DUSP22: variants seen among roughly 807,000 people sequenced by gnomAD.
The protein encoded by DUSP22 is dual specificity protein phosphatase 22.
Under a neutral mutation model 24.5 loss-of-function variants are expected in DUSP22, and 24 were observed. The ratio of observed to expected loss-of-function variants is 0.98; its 90% CI spans 0.71 to 1.38. The LOEUF is 1.38. DUSP22 is among the 40% of genes most tolerant of loss of function. The pLI is 0.00. For synonymous variants in DUSP22, 160 were observed against 106.4 expected (o/e 1.50, Z -3.10); for missense variants, 330 against 269.2 (o/e 1.23, Z -1.58).
intron 1 of DUSP22, among the ~76,000 whole-genome samples, chr6:301,515 A>G (rs1426357915): frequency 6.6e-6 from 1 of 152,306 alleles, no homozygotes; most frequent in Non-Finnish European, 1.5e-5. Flanking sequence ...GAACATTTTG[A>G]GGTAGAAAAT....
At chr6:347,219 G>T (rs1308530277) in intron 5 of DUSP22, among the ~76,000 whole-genome samples, 1 of 152,306 alleles carries the variant, frequency 6.6e-6, no homozygotes, top group African/African-American at 2.4e-5. Context: ...ATCTCTCCTG[G>T]TAGTTCTAAT....
intron 4 of DUSP22, among the ~76,000 whole-genome samples, chr6:343,024 C>T (rs1170589900): frequency 3.3e-5 from 5 of 150,240 alleles, no homozygotes; most frequent in African/African-American, 1.0e-4. Flanking sequence ...AACAAGGCTC[C>T]CTTCGTGCCC....
chr6:307,885 G>A (rs918148787), intron 2 of DUSP22, among the ~76,000 whole-genome samples: 4 of 152,312 alleles, frequency 2.6e-5, no homozygotes, highest in Non-Finnish European at 5.9e-5. Flanking sequence ...CTGGTCAGAG[G>A]TAGTCTGCTG....
At chr6:329,322 T>G (rs1759031753) in intron 3 of DUSP22, among the ~76,000 whole-genome samples, 1 of 152,290 alleles carries the variant, frequency 6.6e-6, no homozygotes, top group South Asian at 2.1e-4. Context: ...GAATGAGGAG[T>G]TATTACTTAA....
intron 2 of DUSP22, 51 bp from the exon 3 acceptor site, chr6:311,829 T>C (rs1268898097): frequency 1.0e-5 from 16 of 1,554,516 alleles, no homozygotes; most frequent in Non-Finnish European, 1.4e-5. Flanking sequence ...ACTTTAGGAG[T>C]AATTAACTTG....
intron 2 of DUSP22, 49 bp downstream of exon 2, chr6:304,710 A>T (rs768196303): frequency 2.5e-6 from 4 of 1,611,024 alleles, no homozygotes; most frequent in Non-Finnish European, 3.4e-6. Context: ...ATAACATAAA[A>T]TGTGTCATCT....
chr6:309,876 C>T (rs952693441), intron 2 of DUSP22, among the ~76,000 whole-genome samples: 1 of 152,296 alleles, frequency 6.6e-6, no homozygotes, highest in Non-Finnish European at 1.5e-5. Context: ...TACATTATAC[C>T]CTGAGCATTT....
intron 5 of DUSP22, among the ~76,000 whole-genome samples, chr6:346,847 C>A (rs1280652117): frequency 6.6e-6 from 1 of 151,492 alleles, no homozygotes; most frequent in Non-Finnish European, 1.5e-5. Context: ...ACAGAGGGGA[C>A]CCAGGGACCC....
chr6:313,944 C>A (rs1031271469), intron 3 of DUSP22, among the ~76,000 whole-genome samples: 5 of 152,422 alleles, frequency 3.3e-5, no homozygotes, highest in East Asian at 1.9e-4. Context: ...CTGCCTGGGG[C>A]ACAAAGGCAG....
At chr6:324,445 G>A (rs952257912) in intron 3 of DUSP22, among the ~76,000 whole-genome samples, 9 of 152,302 alleles carry the variant, frequency 5.9e-5, no homozygotes, top group African/African-American at 1.9e-4. Context: ...AATGCAGCAC[G>A]TCTCTAATAT....
At chr6:310,934 G>A (rs1758056388) in intron 2 of DUSP22, among the ~76,000 whole-genome samples, 1 of 152,420 alleles carries the variant, frequency 6.6e-6, no homozygotes, top group East Asian at 1.9e-4. Flanking sequence ...TTGCCTAAAA[G>A]GAAGAAGCTG....
At chr6:317,856 A>G (rs980651736) in intron 3 of DUSP22, among the ~76,000 whole-genome samples, 1 of 152,286 alleles carries the variant, frequency 6.6e-6, no homozygotes, top group African/African-American at 2.4e-5. Flanking sequence ...GTGAGAAATC[A>G]TGTCTTATCA....
At chr6:327,754 A>T (rs1460922514) in intron 3 of DUSP22, among the ~76,000 whole-genome samples, 1 of 152,302 alleles carries the variant, frequency 6.6e-6, no homozygotes, top group Non-Finnish European at 1.5e-5. Flanking sequence ...GGTTTTACTG[A>T]GAAGAGCCAC....
chr6:313,327 A>T lies in DUSP22; in HGVS notation c.138+1365A>T, dbSNP rs550522914. 2.2e-4 allele frequency among the ~76,000 whole-genome samples: 33 copies of T among 152,394 alleles called. No individual in the cohort carries two copies. The South Asian group carries it at 6.9e-3, about 32-fold the overall frequency. ...TGTCATGTGTGCACATGACCCTTAA[A>T]TCTGCTCACATTGTAACTTCTGTGT... On this transcript the variant is annotated intron_variant, in intron 3 of 6. Transcript: ENST00000419235.
At chr6:309,961 T>C (rs1352171853) in intron 2 of DUSP22, among the ~76,000 whole-genome samples, 1 of 152,278 alleles carries the variant, frequency 6.6e-6, no homozygotes, top group Admixed American at 6.5e-5. Flanking sequence ...TGTTGTTTGG[T>C]TTTGTTTTGT....
intron 2 of DUSP22, among the ~76,000 whole-genome samples, chr6:306,701 A>C (rs1346298554): frequency 6.6e-6 from 1 of 152,308 alleles, no homozygotes; most frequent in Non-Finnish European, 1.5e-5. Flanking sequence ...TATTTTCCCC[A>C]ATTGTGCTGT....
chr6:306,243 A>C (rs1249367064), intron 2 of DUSP22, among the ~76,000 whole-genome samples: 3 of 152,306 alleles, frequency 2.0e-5, no homozygotes, highest in Non-Finnish European at 2.9e-5. Flanking sequence ...TTAGAAGTAG[A>C]ATTGCTAGAT....
At chr6:324,251 G>T (rs1230822621) in intron 3 of DUSP22, among the ~76,000 whole-genome samples, 2 of 152,418 alleles carry the variant, frequency 1.3e-5, no homozygotes, top group Non-Finnish European at 1.5e-5. Flanking sequence ...GTGACCTAGG[G>T]CCTCCTTCTG....
rs540120666 is a variant in DUSP22 at position 316,935 on chromosome 6, T to C, written c.138+4973T>C. Among the ~76,000 whole-genome samples, 9 of 152,426 alleles carry C rather than the reference T, an allele frequency of 5.9e-5. No individual in the cohort carries two copies. In the East Asian group the frequency reaches 1.7e-3, roughly 29 times the overall value. On this transcript the variant is annotated intron_variant, in intron 3 of 6. Transcript: ENST00000419235. Reference sequence around the variant, plus strand: ...TATATACCAGGTAGATTTTATGAGCTAGAGTTCAGCTTGGATATTTTCTGT... The same window carrying C: ...TATATACCAGGTAGATTTTATGAGCCAGAGTTCAGCTTGGATATTTTCTGT...
Sources: allele counts gnomAD v4.1 joint callset (sites outside exome capture counted in the v4.1 genomes callset), GRCh38; gene constraint gnomAD v4.1.1; transcripts MANE v1.5; gene names NCBI Gene and HGNC (gene_info 2026-07-23, HGNC 2026-07-21).